Variants in ITPR2 observed in about 807,000 individuals in gnomAD.
ITPR2 encodes the protein inositol 1,4,5-trisphosphate-gated calcium channel ITPR2.
Under a neutral mutation model 317.1 loss-of-function variants are expected in ITPR2, and 207 were observed. The ratio of observed to expected loss-of-function variants is 0.65; its 90% confidence interval spans 0.58 to 0.73. The LOEUF (loss-of-function observed/expected upper bound fraction) is 0.73. Ranked by LOEUF, ITPR2 falls within the 30% of genes least tolerant of loss-of-function variation. The pLI, the probability that ITPR2 is intolerant of heterozygous loss-of-function variation, is 0.00. For synonymous variants in ITPR2, 1,156 were observed against 1,149.1 expected (o/e 1.01, Z -0.12); for missense variants, 2,613 against 3,284.0 (o/e 0.80, Z 4.99).
chr12:26,501,041 G>C (rs1432577873), intron 37 of ITPR2, among the ~76,000 whole-genome samples: 1 of 152,082 alleles, frequency 6.6e-6, no homozygotes, highest in Non-Finnish European at 1.5e-5. Context: ...AGAAAACTAA[G>C]TCCTCAACTA....
chr12:26,705,528 T>C (rs1948534395), intron 9 of ITPR2, among the ~76,000 whole-genome samples: 1 of 152,196 alleles, frequency 6.6e-6, no homozygotes, highest in African/African-American at 2.4e-5. Flanking sequence ...TGATCTTACC[T>C]GCGCTCTGAA....
intron 55 of ITPR2, among the ~76,000 whole-genome samples, chr12:26,357,232 C>A (rs879598685): frequency 6.6e-6 from 1 of 151,956 alleles, no homozygotes; most frequent in Non-Finnish European, 1.5e-5. Context: ...TTCAAGTCAG[C>A]CCCACCTCTG....
At chr12:26,733,677 AGT>A (rs985937421) in intron 2 of ITPR2, among the ~76,000 whole-genome samples, 1 of 152,206 alleles carries the variant, frequency 6.6e-6, no homozygotes, top group Non-Finnish European at 1.5e-5. Flanking sequence ...GGGGAGGAAA[AGT>A]AAAATTCAAA....
At chr12:26,511,332 CT>C (rs1239180374) in intron 37 of ITPR2, among the ~76,000 whole-genome samples, 1 of 152,258 alleles carries the variant, frequency 6.6e-6, no homozygotes, top group South Asian at 2.1e-4. Context: ...CACCCCTCCC[CT>C]AGCCCAGTTT....
chr12:26,572,707 A>G (rs1945192419), intron 34 of ITPR2, among the ~76,000 whole-genome samples: 1 of 152,214 alleles, frequency 6.6e-6, no homozygotes, highest in African/African-American at 2.4e-5. Context: ...AACAGAAATT[A>G]AGTATGGTTT....
At chr12:26,441,927 T>C (rs1401455675) in intron 46 of ITPR2, among the ~76,000 whole-genome samples, 2 of 152,062 alleles carry the variant, frequency 1.3e-5, no homozygotes, top group African/African-American at 2.4e-5. Flanking sequence ...ATTTATAATA[T>C]ATATATAACT....
chr12:26,791,058 A>G (rs551859533), intron 1 of ITPR2, among the ~76,000 whole-genome samples: 2 of 152,362 alleles, frequency 1.3e-5, no homozygotes, highest in South Asian at 2.1e-4. Context: ...CTCAACAAAT[A>G]TAAGTAAAAT....
At chr12:26,823,426 G>T (rs1221910218) in intron 1 of ITPR2, among the ~76,000 whole-genome samples, 1 of 152,022 alleles carries the variant, frequency 6.6e-6, no homozygotes, top group Admixed American at 6.6e-5. Context: ...CTACAAATTC[G>T]CAAAGGAAGA....
At chr12:26,707,797 T>C (rs7137266) in intron 9 of ITPR2, among the ~76,000 whole-genome samples, 30,165 of 152,006 alleles carry the variant, frequency 0.2, 3,912 homozygotes, top group African/African-American at 0.37. Context: ...CCTAAAGTGC[T>C]GGGAATACAG....
chr12:26,413,034 G>A (rs916809319), intron 51 of ITPR2, among the ~76,000 whole-genome samples: 2 of 152,178 alleles, frequency 1.3e-5, no homozygotes, highest in Non-Finnish European at 2.9e-5. Flanking sequence ...AGAAACAGAA[G>A]GGTGAGAAAC....
At chr12:26,340,146 C>T in intron 56 of ITPR2, 21 bp downstream of exon 56, 1 of 1,579,220 alleles carries the variant, frequency 6.3e-7, no homozygotes, top group Non-Finnish European at 8.6e-7. Context: ...CACCCAGCCC[C>T]ATCTCCCTGA....
At chr12:26,462,931 C>T (rs1942074766) in intron 45 of ITPR2, among the ~76,000 whole-genome samples, 1 of 152,116 alleles carries the variant, frequency 6.6e-6, no homozygotes, top group Non-Finnish European at 1.5e-5. Context: ...CTCAGCCTCT[C>T]AAAGTGCTGG....
intron 1 of ITPR2, among the ~76,000 whole-genome samples, chr12:26,816,717 C>T (rs1950861123): frequency 6.6e-6 from 1 of 152,038 alleles, no homozygotes; most frequent in Admixed American, 6.5e-5. Flanking sequence ...GAATATGGTG[C>T]TATCTGAGTA....
intron 9 of ITPR2, among the ~76,000 whole-genome samples, chr12:26,699,408 C>T (rs1402385587): frequency 2.0e-5 from 3 of 152,146 alleles, no homozygotes; most frequent in Non-Finnish European, 4.4e-5. Flanking sequence ...GGAAAGGTGG[C>T]CTAATGCCCA....
At chr12:26,677,630 T>C (rs1947942328) in intron 13 of ITPR2, among the ~76,000 whole-genome samples, 2 of 152,066 alleles carry the variant, frequency 1.3e-5, no homozygotes, top group African/African-American at 4.8e-5. Flanking sequence ...GACTATCAGA[T>C]TGGATTGTTA....
chr12:26,639,716 C>A (rs1045842080), intron 21 of ITPR2, among the ~76,000 whole-genome samples: 96 of 147,976 alleles, frequency 6.5e-4, no homozygotes, highest in Non-Finnish European at 1.1e-3. Flanking sequence ...TGAGAATATG[C>A]GGTGTTTGGT....
chr12:26,477,457 T>C (rs1942446017), intron 43 of ITPR2, among the ~76,000 whole-genome samples: 1 of 152,020 alleles, frequency 6.6e-6, no homozygotes, highest in African/African-American at 2.4e-5. Flanking sequence ...TATTAGCAAA[T>C]CGAAACCTAA....
chr12:26,760,586 C>A (rs1414944799), intron 2 of ITPR2, among the ~76,000 whole-genome samples: 2 of 152,084 alleles, frequency 1.3e-5, no homozygotes, highest in Non-Finnish European at 2.9e-5. Flanking sequence ...AATGCCCTAA[C>A]AAATCCCTTG....
chr12:26,557,065 C>T (rs1944683203), intron 35 of ITPR2, among the ~76,000 whole-genome samples: 1 of 151,630 alleles, frequency 6.6e-6, no homozygotes, highest in South Asian at 2.1e-4. Flanking sequence ...GGTGACAGAG[C>T]CAAACCCTGT....
Sources: gnomAD v4.1 joint callset for allele counts (sites outside exome capture counted in the v4.1 genomes callset) on GRCh38, gnomAD v4.1.1 for gene constraint, MANE v1.5 for transcripts, NCBI Gene and HGNC (gene_info 2026-07-23, HGNC 2026-07-21) for gene names.